PSTPIP2: variants seen among roughly 807,000 people sequenced by gnomAD.
The protein encoded by PSTPIP2 is proline-serine-threonine phosphatase interacting protein 2.
A neutral mutation model predicts 63.3 loss-of-function variants in PSTPIP2; 33 were observed. The ratio of observed to expected loss-of-function variants is 0.52; its 90% confidence interval spans 0.40 to 0.70. The LOEUF is 0.70. Among genes scored for constraint, PSTPIP2 ranks in the 30% least tolerant of loss-of-function variants. PSTPIP2 has a pLI of 0.00. For synonymous variants in PSTPIP2, 125 were observed against 132.7 expected (o/e 0.94, Z 0.40); for missense variants, 312 against 400.7 (o/e 0.78, Z 1.89).
At chr18:46,006,386 T>C (rs1049864109) in intron 5 of PSTPIP2, among the ~76,000 whole-genome samples, 4 of 116,168 alleles carry the variant, frequency 3.4e-5, no homozygotes, top group East Asian at 2.5e-4. Context: ...TTTTTTTTTT[T>C]TCTGAGACAG....
At chr18:46,024,838 G>A in intron 2 of PSTPIP2, 152 bp from the exon 3 acceptor site, 1 of 637,254 alleles carries the variant, frequency 1.6e-6, no homozygotes, top group South Asian at 1.9e-5. Context: ...CCCTCTGTAT[G>A]ATAGGGAACA....
At chr18:46,053,022 A>G (rs144775814) in intron 1 of PSTPIP2, among the ~76,000 whole-genome samples, 1,764 of 152,324 alleles carry the variant, frequency 0.012, 18 homozygotes, top group Non-Finnish European at 0.016. Context: ...ACAAAAATAC[A>G]TAAATACAAA....
At chr18:46,005,653 C>T in intron 5 of PSTPIP2, 122 bp from the exon 6 acceptor site, 1 of 766,852 alleles carries the variant, frequency 1.3e-6, no homozygotes, top group South Asian at 2.0e-5. Flanking sequence ...CCACATTTCA[C>T]AATCTTCAGA....
At chr18:45,985,481 G>A (rs1185035059) in intron 14 of PSTPIP2, 31 bp from the exon 15 acceptor site, 2 of 1,609,916 alleles carry the variant, frequency 1.2e-6, no homozygotes, top group Middle Eastern at 1.6e-4. Flanking sequence ...AATTTCCTCT[G>A]AATGAAAGGT....
rs1228030633 is a variant in PSTPIP2, at chr18:45,983,745, G to C, written c.*1714C>G. 1 of 152,160 alleles carries C rather than the reference G, an allele frequency of 6.6e-6. No individual in the cohort carries two copies. The highest frequency in any genetic ancestry group is 1.5e-5 in the Non-Finnish European group (1 of 68,020). The allele number at this position is 152,160 out of a possible 1,614,324, so 9.4% of individuals were successfully genotyped here. A position where few individuals can be genotyped will look rare whatever the true frequency, so the allele number is the denominator to read the frequency against. ...ACATTTCCTGAGCCCGTTCAGTTTG[G>C]GGAAATTTGGCCCTTTGCAAAATTC... On this transcript the variant is annotated 3_prime_UTR_variant, in exon 15 of 15. Transcript: ENST00000409746.
Position 46,010,390 on chromosome 18 carries a change from T to G in PSTPIP2, c.354+791A>C, listed in dbSNP as rs756364670. Among the ~76,000 whole-genome samples, 80 of 152,160 alleles carry G rather than the reference T, an allele frequency of 5.3e-4. 1 individual carries two copies. Among genetic ancestry groups the G allele is most frequent in the Non-Finnish European group, 2.1e-4 (14 of 68,030 alleles). ...TGGTTAGACATCTTTGGGTGCCAGA[T>G]AGAGAAGAGCTTGTCTCCCATGTGA... On this transcript the variant is annotated intron_variant, in intron 5 of 14. Transcript: ENST00000409746.
intron 13 of PSTPIP2, chr18:45,990,092 T>C (rs1395156616): frequency 1.3e-5 from 2 of 152,270 alleles, no homozygotes; most frequent in Admixed American, 6.5e-5. Flanking sequence ...ATGCCTTCTA[T>C]AAATTGTATT....
At chr18:46,011,359 A>T in intron 4 of PSTPIP2, 72 bp from the exon 5 acceptor site, 1 of 1,156,490 alleles carries the variant, frequency 8.6e-7, no homozygotes, top group Non-Finnish European at 1.2e-6. Context: ...ATCATACAAA[A>T]TAAATATGTA....
chr18:46,055,373 C>G (rs747379661), intron 1 of PSTPIP2, among the ~76,000 whole-genome samples: 6 of 152,182 alleles, frequency 3.9e-5, no homozygotes, highest in Non-Finnish European at 8.8e-5. Flanking sequence ...ACTCTGCTAC[C>G]CAGGCTGGAG....
chr18:46,012,824 A>G (rs183199281), intron 4 of PSTPIP2, among the ~76,000 whole-genome samples: 104 of 152,298 alleles, frequency 6.8e-4, no homozygotes, highest in African/African-American at 2.4e-3. Flanking sequence ...GGAAATATAT[A>G]CCAAACTACT....
At chr18:45,992,229 T>C (rs757181365) in intron 10 of PSTPIP2, 27 bp from the exon 11 acceptor site, 1 of 1,526,394 alleles carries the variant, frequency 6.6e-7, no homozygotes, top group Non-Finnish European at 8.9e-7. Context: ...AATTAATAGG[T>C]AGAGGTATGT....
chr18:46,002,227 A>T (rs972755738), intron 6 of PSTPIP2, among the ~76,000 whole-genome samples: 9 of 152,128 alleles, frequency 5.9e-5, no homozygotes, highest in Non-Finnish European at 8.8e-5. Context: ...TTACAGTTTA[A>T]TCAGCCTCTG....
chr18:46,055,628 A>G (rs1445279496), intron 1 of PSTPIP2, among the ~76,000 whole-genome samples: 1 of 152,204 alleles, frequency 6.6e-6, no homozygotes, highest in African/African-American at 2.4e-5. Context: ...CAGTGCCAAC[A>G]TTTGTGATTG....
intron 1 of PSTPIP2, chr18:46,040,988 T>G (rs1414047504): frequency 2.2e-6 from 1 of 457,232 alleles, no homozygotes; most frequent in South Asian, 1.5e-5. Context: ...TACAGGACCA[T>G]GTAACCTGGT....
chr18:46,067,053 T>C (rs2144139062), intron 1 of PSTPIP2, among the ~76,000 whole-genome samples: 1 of 149,894 alleles, frequency 6.7e-6, no homozygotes, highest in Non-Finnish European at 1.5e-5. Context: ...AAGAGGTTTT[T>C]GACGATTATT....
intron 7 of PSTPIP2, among the ~76,000 whole-genome samples, chr18:45,999,118 G>C (rs1407616457): frequency 6.6e-6 from 1 of 152,144 alleles, no homozygotes; most frequent in Non-Finnish European, 1.5e-5. Flanking sequence ...AGTTAAATTT[G>C]TAATCCACCC....
intron 4 of PSTPIP2, among the ~76,000 whole-genome samples, chr18:46,012,477 C>T (rs1424504876): frequency 2.6e-5 from 4 of 152,066 alleles, no homozygotes; most frequent in African/African-American, 7.2e-5. Context: ...TGTGCATCTA[C>T]AATTAAAAAA....
intron 10 of PSTPIP2, among the ~76,000 whole-genome samples, chr18:45,992,994 G>C (rs2051554747): frequency 6.6e-6 from 1 of 152,118 alleles, no homozygotes; most frequent in African/African-American, 2.4e-5. Context: ...CCAAAGTGCT[G>C]GGATTACAGG....
chr18:46,046,935 A>G (rs1166682807), intron 1 of PSTPIP2, among the ~76,000 whole-genome samples: 1 of 152,272 alleles, frequency 6.6e-6, no homozygotes, highest in East Asian at 1.9e-4. Flanking sequence ...TGCACTTTGC[A>G]TTAAAGAACC....
Sources: allele counts gnomAD v4.1 joint callset (sites outside exome capture counted in the v4.1 genomes callset), GRCh38; gene constraint gnomAD v4.1.1; transcripts MANE v1.5; gene names NCBI Gene and HGNC (gene_info 2026-07-23, HGNC 2026-07-21).